The following SLC2A11 variants were observed in gnomAD, a reference collection of about 807,000 sequenced individuals.
SLC2A11 encodes solute carrier family 2, facilitated glucose transporter member 11.
A neutral mutation model predicts 52.1 loss-of-function variants in SLC2A11; 43 were observed. That is an observed-to-expected ratio of 0.82 (90% CI 0.65 to 1.06). The LOEUF (loss-of-function observed/expected upper bound fraction) is 1.06. Ranked by LOEUF, SLC2A11 falls within the 50% of genes least tolerant of loss-of-function variation. The pLI is 0.00. For missense variants in SLC2A11, 582 were observed against 654.2 expected (o/e 0.89, Z 1.20); for synonymous variants, 261 against 277.6 (o/e 0.94, Z 0.59).
Position 23,884,243 on chromosome 22 carries a change from G to A in SLC2A11, c.1172-59G>A, listed in dbSNP as rs548256360. ...CCACTCCCATGTCTGGGCTGGGGTCGGGGAGAGGCAGGCAGGGAACCCTGG... is the reference window on the plus strand; with the variant it reads ...CCACTCCCATGTCTGGGCTGGGGTCAGGGAGAGGCAGGCAGGGAACCCTGG... On this transcript the variant is annotated intron_variant, in intron 10 of 11. Coordinates refer to ENST00000316185, the MANE Select transcript of SLC2A11 (RefSeq NM_001024939.4). The surrounding 1 kb of genome is among the most constrained non-coding windows in gnomAD (Gnocchi z 4.3). 1.0e-5 allele frequency: 16 copies of A among 1,571,524 alleles called. 1 individual carries two copies. The highest frequency in any genetic ancestry group is 1.8e-4 in the Middle Eastern group (1 of 5,430).
At chr22:23,859,419 G>A (rs1348386766) in intron 1 of SLC2A11, among the ~76,000 whole-genome samples, 1 of 152,092 alleles carries the variant, frequency 6.6e-6, no homozygotes, top group Non-Finnish European at 1.5e-5. Flanking sequence ...ACTGAATGGT[G>A]AAAGCACAGC....
intron 2 of SLC2A11, among the ~76,000 whole-genome samples, chr22:23,864,443 C>T (rs113322716): frequency 0.063 from 9,645 of 152,184 alleles, 357 homozygotes; most frequent in Middle Eastern, 0.14. Context: ...CTCAGCCTCC[C>T]GAGTAGCTGG....
At chr22:23,857,226 G>GA, upstream of SLC2A11, 1 of 737,536 alleles carries the variant, frequency 1.4e-6, no homozygotes, top group Non-Finnish European at 2.2e-6. Flanking sequence ...GCTGAGGTCA[G>GA]ACCAGCGAGA....
chr22:23,859,512 G>A (rs2031977490), intron 1 of SLC2A11, among the ~76,000 whole-genome samples: 1 of 151,030 alleles, frequency 6.6e-6, no homozygotes, highest in African/African-American at 2.4e-5. Context: ...TTTTGAGATG[G>A]AGTCTCACTC....
At position 23,883,871 on chromosome 22, in the gene SLC2A11, C is replaced by T; in HGVS notation, c.1093C>T (p.Gln365Ter). The T allele has an allele frequency of 1.9e-6, 3 of 1,600,754 alleles. No individual in the cohort carries two copies. The highest frequency in any genetic ancestry group is 1.3e-5 in the African/African-American group (1 of 74,258). ...CATCTTCACTGTGGCCCTGTGCCTG[C>T]AGGTAGCTGGGGTGGATGAGGGCTG... The part of the protein sequence containing the change: ...GSIFTVALCL[Q>*]SSFPWTLYLA... Residue 365 changes from glutamine (Q) to a stop codon, truncating the protein, a stop_gained and splice_region_variant, in exon 9 of 12, where the codon CAG becomes TAG. Coordinates refer to ENST00000316185, the MANE Select transcript of SLC2A11 (RefSeq NM_001024939.4). LOFTEE classifies it high-confidence loss of function.
chr22:23,869,916 A>G, intron 3 of SLC2A11: 3 of 691,060 alleles, frequency 4.3e-6, no homozygotes, highest in Non-Finnish European at 8.0e-6. Context: ...CAAAAGGCAA[A>G]AAGAGCCTGC....
At chr22:23,866,531 TG>T in intron 2 of SLC2A11, 2 of 167,090 alleles carry the variant, frequency 1.2e-5, no homozygotes. Context: ...GTTTGGAGTC[TG>T]GGGAGTCCAA....
intron 1 of SLC2A11, among the ~76,000 whole-genome samples, chr22:23,861,592 A>G (rs2032069620): frequency 1.3e-5 from 2 of 152,234 alleles, no homozygotes; most frequent in African/African-American, 4.8e-5. Context: ...TTGCACCTGC[A>G]GGTCCATGTG....
intron 6 of SLC2A11, 134 bp downstream of exon 6, chr22:23,878,003 A>G: frequency 8.9e-7 from 1 of 1,117,908 alleles, no homozygotes; most frequent in Non-Finnish European, 1.2e-6. Flanking sequence ...CAATTTCATG[A>G]TCTGCCTATA....
upstream of SLC2A11, chr22:23,857,712 C>T (rs934829904): frequency 2.7e-6 from 2 of 733,706 alleles, no homozygotes; most frequent in African/African-American, 1.9e-5. Context: ...CTCTGCGCTT[C>T]ACTGCGCCTG....
rs772761062 is a variant in SLC2A11 at position 23,868,361 on chromosome 22, G to A, written c.130-120G>A. The A allele has an allele frequency of 3.0e-5, 37 of 1,239,824 alleles. 1 individual carries two copies. The highest frequency in any genetic ancestry group is 2.1e-4 in the South Asian group (15 of 72,624). The allele number at this position is 1,239,824 out of a possible 1,614,324, so 76.8% of individuals were successfully genotyped here. ...GCTCCAGGGGGAGCTCAGAAGACAC[G>A]GTGCCTGTTGTCATTGCCTGTTCTG... On this transcript the variant is annotated intron_variant, in intron 2 of 11. Transcript: ENST00000316185.
At chr22:23,878,466 G>A (rs1484671186) in intron 6 of SLC2A11, among the ~76,000 whole-genome samples, 2 of 152,160 alleles carry the variant, frequency 1.3e-5, no homozygotes, top group South Asian at 2.1e-4. Context: ...TGGTACCAAC[G>A]AGTTAGCCTA....
upstream of SLC2A11, chr22:23,857,505 G>C: frequency 6.2e-7 from 1 of 1,613,874 alleles, no homozygotes; most frequent in Middle Eastern, 1.7e-4. Flanking sequence ...GGATGAACTG[G>C]AGCCGTCCTT....
upstream of SLC2A11, chr22:23,857,073 T>TGGGGGGGGGG (rs60895711): frequency 1.2e-5 from 5 of 409,880 alleles, no homozygotes; most frequent in African/African-American, 3.7e-5. Flanking sequence ...TGTGTGTGTG[T>TGGGGGGGGGG]GGGGGGGGGG....
chr22:23,878,388 G>T lies in SLC2A11; in HGVS notation c.694+519G>T, dbSNP rs553697442. ...GGGCAGTGGTGAGGTTCAGCTGCTG[G>T]TTGGCCGGTCTAGGCTGGTCTGGAC... On this transcript the variant is annotated intron_variant, in intron 6 of 11. Transcript: ENST00000316185. 3.3e-5 allele frequency among the ~76,000 whole-genome samples: 5 copies of T among 152,326 alleles called. No homozygotes were observed. The South Asian group carries it at 1.0e-3, about 32-fold the overall frequency.
Position 23,884,412 on chromosome 22 carries a change from G to C in SLC2A11, c.1282G>C (p.Gly428Arg). ...MWIMLILVGL[G>R]FPFIMEALSH... is the part of the protein sequence containing the mutation. ...GATCATGCTCATCCTGGTCGGCCTG[G>C]GATTTCCCTTTATCATGGTAGGCCC... The change falls in exon 11 of 12, where the codon GGA becomes CGA. Residue 428 changes from glycine to arginine, a missense_variant. Transcript: ENST00000316185. The surrounding 1 kb of genome is among the most constrained non-coding windows in gnomAD (Gnocchi z 4.3). 4.3e-6 allele frequency: 7 copies of C among 1,613,838 alleles called. No homozygotes were observed. The highest frequency in any genetic ancestry group is 5.9e-6 in the Non-Finnish European group (7 of 1,179,896).
chr22:23,857,814 G>C, upstream of SLC2A11: 1 of 1,466,472 alleles, frequency 6.8e-7, no homozygotes, highest in Non-Finnish European at 9.0e-7. Flanking sequence ...CTGCGCTTGC[G>C]CTACAGCTTC....
chr22:23,860,201 G>A (rs945670301), intron 1 of SLC2A11, among the ~76,000 whole-genome samples: 2 of 151,938 alleles, frequency 1.3e-5, no homozygotes, highest in African/African-American at 2.4e-5. Context: ...CGAGTGTATC[G>A]CTTGAGCTCA....
At position 23,875,108 on chromosome 22, in the gene SLC2A11, T is replaced by C; in HGVS notation, c.291-9T>C. The C allele has an allele frequency of 6.4e-7, 1 of 1,565,220 alleles. No individual in the cohort carries two copies. The highest frequency in any genetic ancestry group is 8.7e-7 in the Non-Finnish European group (1 of 1,154,534). ...AGCCTCTCTTTCTGTGTGTTTCACT[T>C]CCCCCAAGGAAGAAGTCCCTCCTGG... On this transcript the variant is annotated splice_polypyrimidine_tract_variant and intron_variant, in intron 3 of 11. Coordinates refer to ENST00000316185, the MANE Select transcript of SLC2A11 (RefSeq NM_001024939.4).
Sources: allele counts gnomAD v4.1 joint callset (sites outside exome capture counted in the v4.1 genomes callset), GRCh38; gene constraint gnomAD v4.1.1; non-coding constraint Gnocchi (gnomAD v3.1); transcripts MANE v1.5; gene names NCBI Gene and HGNC (gene_info 2026-07-23, HGNC 2026-07-21).